GNPDA2: variants seen among roughly 807,000 people sequenced by gnomAD.
The protein encoded by GNPDA2 is glcN6P deaminase 2.
In GNPDA2, 24 loss-of-function variants were observed where a neutral mutation model predicts 27.0. The ratio of observed to expected loss-of-function variants is 0.89; its 90% CI spans 0.64 to 1.25. The LOEUF (loss-of-function observed/expected upper bound fraction) is 1.25. Ranked by LOEUF, GNPDA2 falls within the 50% of genes most tolerant of loss-of-function variation. The probability of loss-of-function intolerance (pLI) is 0.00; values close to 1 mark genes in which losing one functional copy is unlikely to be tolerated. For synonymous variants in GNPDA2, 94 were observed against 108.4 expected (o/e 0.87, Z 0.83); for missense variants, 286 against 335.1 (o/e 0.85, Z 1.14).
At chr4:44,706,800 T>C (rs1050043910) in intron 6 of GNPDA2, 1 of 151,980 alleles carries the variant, frequency 6.6e-6, no homozygotes, top group South Asian at 2.1e-4. Context: ...CCAAAAAATA[T>C]AGCTTTGATT....
At chr4:44,716,493 A>T (rs1717296304) in intron 4 of GNPDA2, among the ~76,000 whole-genome samples, 1 of 134,230 alleles carries the variant, frequency 7.4e-6, no homozygotes, top group Non-Finnish European at 1.6e-5. Context: ...AAAGGAAAAA[A>T]CTTATTTTTA....
intron 6 of GNPDA2, chr4:44,705,565 C>A (rs754569644): frequency 3.3e-6 from 2 of 611,078 alleles, no homozygotes; most frequent in African/African-American, 2.0e-5. Flanking sequence ...ACATCTACCA[C>A]CCTTCTATTT....
intron 1 of GNPDA2, among the ~76,000 whole-genome samples, 181 bp from the exon 2 acceptor site, chr4:44,722,423 C>T (rs1717733529): frequency 6.6e-6 from 1 of 152,136 alleles, no homozygotes; most frequent in Non-Finnish European, 1.5e-5. Flanking sequence ...ATAGTAATAG[C>T]TGTTCTCTTT....
chr4:44,716,514 A>ATG (rs967417477), intron 4 of GNPDA2, among the ~76,000 whole-genome samples: 2 of 7,056 alleles, frequency 2.8e-4, no homozygotes, highest in African/African-American at 3.7e-4. Context: ...ACTGTAGATT[A>ATG]TATATACACA....
intron 1 of GNPDA2, 114 bp downstream of exon 1, chr4:44,726,360 C>G (rs1396603494): frequency 6.6e-6 from 1 of 152,350 alleles, no homozygotes; most frequent in Non-Finnish European, 1.5e-5. Flanking sequence ...CCCATTCCGC[C>G]CCGGCCCGGC....
In GNPDA2 at chr4:44,702,680, G is replaced by A; in HGVS notation, c.*401C>T. The A allele has an allele frequency of 9.7e-7, 1 of 1,030,474 alleles. No homozygotes were observed. Among genetic ancestry groups the A allele is most frequent in the Non-Finnish European group, 1.2e-6 (1 of 860,214 alleles). 63.8% of individuals were successfully genotyped at this position (1,030,474 alleles called of 1,614,324 possible). A position where few individuals can be genotyped will look rare whatever the true frequency, so the allele number is the denominator to read the frequency against. On this transcript the variant is annotated 3_prime_UTR_variant, in exon 7 of 7. Transcript: ENST00000295448. ...GATTGCATTCCAAAAGTGAAGGTCT[G>A]CAATGATAGTTTGTTATCTGAAAGG...
rs1206959682 is a variant in GNPDA2, at chr4:44,707,871, T to C, written c.650A>G (p.Glu217Gly). The C allele has an allele frequency of 6.2e-7, 1 of 1,613,216 alleles. No homozygotes were observed. The highest frequency in any genetic ancestry group is 8.5e-7 in the Non-Finnish European group (1 of 1,179,490). The change falls in exon 6 of 7, where the codon GAA becomes GGA. Residue 217 changes from glutamate to glycine, a missense_variant. Physicochemically the swap from Glu to Gly is moderately conservative, Grantham distance 98 (BLOSUM62 -2). Coordinates refer to ENST00000295448, the MANE Select transcript of GNPDA2 (RefSeq NM_138335.3). ...HKAFALYKAI[E>G]EGVNHMWTVS... ...AGTCCACATGTGATTGACTCCTTCT[T>C]CTATTGCTTTGTACAGGGCAAATGC...
Position 44,702,433 on chromosome 4 carries a change from G to T in GNPDA2, c.*648C>A, listed in dbSNP as rs1716333639. ...AACCCAAGTCGTTAAATAAAAATAA[G>T]ATATTTGTAAAAAAGTGCTATAGAA... On this transcript the variant is annotated 3_prime_UTR_variant, in exon 7 of 7. Coordinates refer to ENST00000295448, the MANE Select transcript of GNPDA2 (RefSeq NM_138335.3). 1.0e-6 allele frequency: 1 copy of T among 975,160 alleles called. No homozygotes were observed. Among genetic ancestry groups the T allele is most frequent in the Admixed American group, 6.2e-5 (1 of 16,192 alleles). 60.4% of individuals were successfully genotyped at this position (975,160 alleles called of 1,614,324 possible).
In GNPDA2 at chr4:44,714,197, A is replaced by T. The variant is rs188229347; in HGVS notation, c.409+2916T>A. 2.7e-4 allele frequency: 134 copies of T among 495,446 alleles called. No individual in the cohort carries two copies. In the East Asian group the frequency reaches 5.9e-3, roughly 22 times the overall value. 30.7% of individuals were successfully genotyped at this position (495,446 alleles called of 1,614,324 possible). A position where few individuals can be genotyped will look rare whatever the true frequency, so the allele number is the denominator to read the frequency against. On this transcript the variant is annotated intron_variant, in intron 4 of 6. Transcript: ENST00000295448. Reference sequence around the variant, plus strand: ...TCCATGTTGGTCAGGCTGGTGTCGAACTCCCAACCTCAGGTGATCTGCGCA... The same window carrying T: ...TCCATGTTGGTCAGGCTGGTGTCGATCTCCCAACCTCAGGTGATCTGCGCA...
intron 1 of GNPDA2, among the ~76,000 whole-genome samples, chr4:44,726,227 G>C (rs1036111046): frequency 1.4e-5 from 2 of 146,918 alleles, no homozygotes; most frequent in Admixed American, 6.8e-5. Flanking sequence ...TCAAGAAGAA[G>C]CCGCGAGAGA....
intron 6 of GNPDA2, chr4:44,704,574 A>T: frequency 1.3e-6 from 1 of 745,700 alleles, no homozygotes. Context: ...AATTCTATTA[A>T]TTGCTTTTTA....
intron 4 of GNPDA2, among the ~76,000 whole-genome samples, chr4:44,716,390 T>C (rs1717284693): frequency 6.6e-6 from 1 of 151,942 alleles, no homozygotes; most frequent in South Asian, 2.1e-4. Context: ...AAAATTTTGA[T>C]TTTAGTTTAG....
At chr4:44,719,284 A>G (rs928604552) in intron 2 of GNPDA2, among the ~76,000 whole-genome samples, 14 of 151,994 alleles carry the variant, frequency 9.2e-5, no homozygotes, top group Non-Finnish European at 1.8e-4. Context: ...CCACCATCAC[A>G]AAACAGAACA....
intron 3 of GNPDA2, 80 bp downstream of exon 3, chr4:44,718,229 C>T (rs532369129): frequency 1.1e-5 from 6 of 552,824 alleles, no homozygotes; most frequent in Non-Finnish European, 1.9e-5. Flanking sequence ...TTCAAATATA[C>T]TTGTATTCTA....
chr4:44,722,136 G>T lies in GNPDA2; in HGVS notation c.72C>A (p.Ile24=). The T allele has an allele frequency of 1.2e-6, 2 of 1,613,390 alleles. No homozygotes were observed. The highest frequency in any genetic ancestry group is 1.7e-6 in the Non-Finnish European group (2 of 1,179,406). The change falls in exon 2 of 7, where the codon ATC becomes ATA. Residue 24 remains isoleucine (I), a synonymous_variant. Transcript: ENST00000295448. ...EWAAKYICNR[I]IQFKPGQDRY... Reference sequence around the variant, plus strand: ...TGTCCTGTCCAGGTTTGAACTGAATGATGCGATTACAGATGTATTTGGCTG... The same window carrying T: ...TGTCCTGTCCAGGTTTGAACTGAATTATGCGATTACAGATGTATTTGGCTG...
chr4:44,723,802 G>A (rs1190586159), intron 1 of GNPDA2, among the ~76,000 whole-genome samples: 1 of 152,126 alleles, frequency 6.6e-6, no homozygotes, highest in Non-Finnish European at 1.5e-5. Flanking sequence ...AGCACCCCAT[G>A]GGGTGGGAGT....
At position 44,717,299 on chromosome 4, in the gene GNPDA2, A is replaced by C; in HGVS notation, c.227-4T>G. 1 of 1,434,902 alleles carries C rather than the reference A, an allele frequency of 7.0e-7. No homozygotes were observed. Among genetic ancestry groups the C allele is most frequent in the Non-Finnish European group, 9.4e-7 (1 of 1,059,070 alleles). 88.9% of individuals were successfully genotyped at this position (1,434,902 alleles called of 1,614,324 possible). ...TCAGGATGATTTCTTGGAAGTCCTAAAGATGAAGTTAATAAAAATATAAGT... is the reference window on the plus strand; with the variant it reads ...TCAGGATGATTTCTTGGAAGTCCTACAGATGAAGTTAATAAAAATATAAGT... On this transcript the variant is annotated splice_region_variant and splice_polypyrimidine_tract_variant and intron_variant, in intron 3 of 6. Coordinates refer to ENST00000295448, the MANE Select transcript of GNPDA2 (RefSeq NM_138335.3).
chr4:44,712,191 A>T (rs1717021383), intron 4 of GNPDA2, among the ~76,000 whole-genome samples: 1 of 152,150 alleles, frequency 6.6e-6, no homozygotes, highest in African/African-American at 2.4e-5. Context: ...CCTAGTAGCT[A>T]GTCACATTTC....
intron 2 of GNPDA2, 90 bp downstream of exon 2, chr4:44,721,994 G>A (rs1426793279): frequency 7.2e-6 from 7 of 976,028 alleles, no homozygotes; most frequent in Non-Finnish European, 1.1e-5. Context: ...ATAAATGAAT[G>A]GGGAAAGTAT....
Sources: allele counts gnomAD v4.1 joint callset (sites outside exome capture counted in the v4.1 genomes callset), GRCh38; gene constraint gnomAD v4.1.1; transcripts MANE v1.5; gene names NCBI Gene and HGNC (gene_info 2026-07-23, HGNC 2026-07-21).